Variants in LRP12 observed in about 807,000 individuals in gnomAD.
LRP12 encodes low-density lipoprotein receptor-related protein 12.
Under a neutral mutation model 66.0 loss-of-function variants are expected in LRP12, and 14 were observed. The observed-to-expected ratio is 0.21, with a 90% CI of 0.14 to 0.33. The LOEUF (loss-of-function observed/expected upper bound fraction) is 0.33. Ranked by LOEUF, LRP12 falls within the 10% of genes least tolerant of loss-of-function variation. The pLI, the probability that LRP12 is intolerant of heterozygous loss-of-function variation, is 1.00. For synonymous variants in LRP12, 357 were observed against 359.1 expected, an observed-to-expected ratio of 0.99 and a Z score of 0.07; for missense variants, 889 against 1,053.4, an observed-to-expected ratio of 0.84 and a Z score of 2.16.
At chr8:104,547,583 A>ATATATATT (rs1288119666) in intron 1 of LRP12, among the ~76,000 whole-genome samples, 6 of 122,064 alleles carry the variant, frequency 4.9e-5, no homozygotes, top group Admixed American at 4.7e-4. Context: ...ATTATATATT[A>ATATATATT]ATATATAATA....
intron 2 of LRP12, among the ~76,000 whole-genome samples, chr8:104,516,776 A>T (rs1811076787): frequency 1.3e-5 from 2 of 152,116 alleles, no homozygotes; most frequent in Non-Finnish European, 2.9e-5. Context: ...TCACTTCAAA[A>T]TAAAGTCAAG....
At chr8:104,543,008 T>TATATATATATATATATATATATATAA in intron 1 of LRP12, among the ~76,000 whole-genome samples, 1 of 149,972 alleles carries the variant, frequency 6.7e-6, no homozygotes, top group African/African-American at 2.5e-5. Context: ...TATATATATA[T>TATATATATATATATATATATATATAA]ATATAAATAT....
At chr8:104,524,241 CAAAAAAAA>C (rs57379814) in intron 2 of LRP12, among the ~76,000 whole-genome samples, 1 of 96,784 alleles carries the variant, frequency 1.0e-5, no homozygotes, top group Non-Finnish European at 2.1e-5. Flanking sequence ...GACCCTGTCT[CAAAAAAAA>C]AAAAAAAAAA....
intron 5 of LRP12, 148 bp from the exon 6 acceptor site, chr8:104,495,357 T>C (rs956765096): frequency 2.0e-5 from 15 of 739,840 alleles, no homozygotes; most frequent in Non-Finnish European, 2.8e-5. Context: ...ACTGAATATA[T>C]GTATTATCCC....
At chr8:104,509,385 C>A (rs565100257) in intron 2 of LRP12, among the ~76,000 whole-genome samples, 133 of 152,240 alleles carry the variant, frequency 8.7e-4, no homozygotes, top group African/African-American at 3.1e-3. Flanking sequence ...ATAAATAATT[C>A]TTAAGTTTTA....
chr8:104,534,112 A>T (rs1811363424), intron 1 of LRP12, among the ~76,000 whole-genome samples: 1 of 151,910 alleles, frequency 6.6e-6, no homozygotes. Flanking sequence ...CATGCACAGG[A>T]ATAAACTGAT....
chr8:104,523,069 T>C (rs1811175224), intron 2 of LRP12, among the ~76,000 whole-genome samples: 1 of 152,146 alleles, frequency 6.6e-6, no homozygotes, highest in Admixed American at 6.6e-5. Flanking sequence ...CAGAAATGTA[T>C]GCTAAGGAAA....
intron 1 of LRP12, among the ~76,000 whole-genome samples, chr8:104,538,265 C>T (rs1023295436): frequency 3.9e-5 from 6 of 152,128 alleles, no homozygotes; most frequent in African/African-American, 1.2e-4. Context: ...AATCCAATGC[C>T]TTGTCCTTGC....
intron 1 of LRP12, among the ~76,000 whole-genome samples, chr8:104,537,918 G>C (rs79189944): frequency 6.6e-6 from 1 of 152,098 alleles, no homozygotes; most frequent in African/African-American, 2.4e-5. Flanking sequence ...TGATCTCTCT[G>C]TGTGTTATTT....
At chr8:104,491,845 G>A (rs1298505578) in intron 6 of LRP12, among the ~76,000 whole-genome samples, 3 of 151,960 alleles carry the variant, frequency 2.0e-5, no homozygotes, top group African/African-American at 4.8e-5. Context: ...ATCTCACATC[G>A]TAATCCAACA....
intron 3 of LRP12, among the ~76,000 whole-genome samples, chr8:104,500,346 C>A (rs1810806226): frequency 1.3e-5 from 2 of 152,192 alleles, no homozygotes. Context: ...TTCAAATATT[C>A]TGAATAACTA....
chr8:104,523,334 C>A (rs1383938044), intron 2 of LRP12, among the ~76,000 whole-genome samples: 2 of 152,018 alleles, frequency 1.3e-5, no homozygotes, highest in Non-Finnish European at 1.5e-5. Flanking sequence ...AATACACTAA[C>A]CTATTATAAA....
chr8:104,566,310 A>T (rs1812003678), intron 1 of LRP12: 1 of 260,558 alleles, frequency 3.8e-6, no homozygotes, highest in Admixed American at 5.3e-5. Context: ...AAGGTGATCA[A>T]GTAGAAGAGG....
intron 1 of LRP12, among the ~76,000 whole-genome samples, chr8:104,535,167 A>G (rs987944886): frequency 6.6e-6 from 1 of 152,026 alleles, no homozygotes. Context: ...AAATCAGAAA[A>G]TAGTTTGTTA....
chr8:104,554,566 T>C (rs1333719458), intron 1 of LRP12, among the ~76,000 whole-genome samples: 2 of 151,766 alleles, frequency 1.3e-5, no homozygotes. Flanking sequence ...TCCAATCTGA[T>C]ATAAACAAGG....
intron 4 of LRP12, 138 bp downstream of exon 4, chr8:104,499,179 G>T: frequency 1.6e-6 from 1 of 613,152 alleles, no homozygotes; most frequent in Non-Finnish European, 2.7e-6. Context: ...TCTAACTTTA[G>T]CTTCTAATCC....
Position 104,499,415 on chromosome 8 carries a change from A to C in LRP12, c.377T>G (p.Ile126Ser), listed in dbSNP as rs781606763. ...IESYRACGST[I>S]PPPYISSQDH... is the part of the protein sequence containing the mutation. ...TTGTGAAGAGATATACGGAGGTGGA[A>C]TTGTGGAACCACAAGCTCTGTAACT... Residue 126 changes from isoleucine to serine, a missense_variant, in exon 4 of 7, where the codon ATT (isoleucine) becomes AGT (serine). This residue lies in a region of LRP12 where 800 missense variants were observed against 964.5 expected (regional missense o/e 0.83). Transcript: ENST00000276654. 1 of 1,613,694 alleles carries C rather than the reference A, an allele frequency of 6.2e-7. No homozygotes were observed. The highest frequency in any genetic ancestry group is 1.1e-5 in the South Asian group (1 of 91,064).
At chr8:104,550,867 C>G (rs1362711705) in intron 1 of LRP12, among the ~76,000 whole-genome samples, 2 of 152,144 alleles carry the variant, frequency 1.3e-5, no homozygotes, top group Non-Finnish European at 2.9e-5. Flanking sequence ...GGTCTCACAA[C>G]TCTTTGATCC....
chr8:104,583,883 G>C (rs1254521914), intron 1 of LRP12, among the ~76,000 whole-genome samples: 2 of 152,138 alleles, frequency 1.3e-5, no homozygotes, highest in Non-Finnish European at 1.5e-5. Flanking sequence ...TTAAGTACTT[G>C]TAAGTAAATA....
Sources: allele counts gnomAD v4.1 joint callset (sites outside exome capture counted in the v4.1 genomes callset), GRCh38; gene constraint gnomAD v4.1.1; regional missense constraint gnomAD v4.1.1; transcripts MANE v1.5; gene names NCBI Gene and HGNC (gene_info 2026-07-23, HGNC 2026-07-21).